RNF145: variants seen among roughly 807,000 people sequenced by gnomAD.
RNF145 encodes the protein ring finger protein 145.
In RNF145, 12 loss-of-function variants were observed where a neutral mutation model predicts 57.3. The ratio of observed to expected loss-of-function variants is 0.21; its 90% CI spans 0.13 to 0.34. The LOEUF is 0.34. Among genes scored for constraint, RNF145 ranks in the 10% least tolerant of loss-of-function variants. The pLI, the probability that RNF145 is intolerant of heterozygous loss-of-function variation, is 1.00. For missense variants in RNF145, 429 were observed against 799.0 expected (o/e 0.54, Z 5.58); for synonymous variants, 262 against 288.3 (o/e 0.91, Z 0.92).
intron 10 of RNF145, 185 bp downstream of exon 10, chr5:159,161,081 A>C: frequency 3.7e-6 from 2 of 538,778 alleles, no homozygotes; most frequent in Non-Finnish European, 6.5e-6. Flanking sequence ...ACTAAATTTA[A>C]AACTTAATTT....
At chr5:159,191,064 A>C (rs1455193482) in intron 3 of RNF145, among the ~76,000 whole-genome samples, 2 of 151,198 alleles carry the variant, frequency 1.3e-5, no homozygotes, top group Admixed American at 6.6e-5. Context: ...CATAAAACAC[A>C]CAATAGCTGA....
In RNF145 at chr5:159,157,488, A is replaced by G. The variant is rs1784078512; in HGVS notation, c.*1182T>C. The G allele has an allele frequency of 6.5e-6, 1 of 152,804 alleles. No homozygotes were observed. Among genetic ancestry groups the G allele is most frequent in the South Asian group, 2.1e-4 (1 of 4,830 alleles). 9.5% of individuals were successfully genotyped at this position (152,804 alleles called of 1,614,324 possible). On this transcript the variant is annotated 3_prime_UTR_variant, in exon 11 of 11. Coordinates refer to ENST00000424310, the MANE Select transcript of RNF145 (RefSeq NM_001199383.2). ...CCAAATTTGCTACTAAAAATAAAAT[A>G]AAGTCACATCCCACATTAGGAATAC...
intron 3 of RNF145, among the ~76,000 whole-genome samples, chr5:159,188,885 A>T (rs1221196534): frequency 6.6e-6 from 1 of 152,186 alleles, no homozygotes; most frequent in Non-Finnish European, 1.5e-5. Context: ...TCAACTTAGA[A>T]AATTAATATT....
chr5:159,186,381 A>G (rs531836798), intron 3 of RNF145, among the ~76,000 whole-genome samples: 153 of 152,384 alleles, frequency 1.0e-3, no homozygotes, highest in African/African-American at 3.4e-3. Flanking sequence ...GACCTTTATT[A>G]TAACAGTCTC....
In RNF145 at chr5:159,161,641, T is replaced by TGTAC; in HGVS notation, c.1270-23_1270-20dup. The TGTAC allele has an allele frequency of 1.0e-6, 1 of 954,926 alleles. No individual in the cohort carries two copies. Among genetic ancestry groups the TGTAC allele is most frequent in the Non-Finnish European group, 1.6e-6 (1 of 623,654 alleles). 59.2% of individuals were successfully genotyped at this position (954,926 alleles called of 1,614,324 possible). A position where few individuals can be genotyped will look rare whatever the true frequency, so the allele number is the denominator to read the frequency against. ...CCAGAACCTGAAAAAAAAAAAAAAA[T>TGTAC]GTACGTATCTTGAAATATGATCACT... is the stretch of plus-strand genomic sequence containing the variant. On this transcript the variant is annotated intron_variant, in intron 9 of 10. Coordinates refer to ENST00000424310, the MANE Select transcript of RNF145 (RefSeq NM_001199383.2).
chr5:159,207,896 T>C, intron 1 of RNF145: 1 of 1,613,208 alleles, frequency 6.2e-7, no homozygotes, highest in Non-Finnish European at 8.5e-7. Flanking sequence ...ACCTCTGCCA[T>C]CGGCCGCTCA....
chr5:159,188,252 T>C (rs1288421973), intron 3 of RNF145, among the ~76,000 whole-genome samples: 1 of 151,976 alleles, frequency 6.6e-6, no homozygotes, highest in African/African-American at 2.4e-5. Flanking sequence ...CTGGGCATGG[T>C]GGCAGGCGCC....
intron 3 of RNF145, among the ~76,000 whole-genome samples, chr5:159,188,015 T>A (rs1785143074): frequency 6.6e-6 from 1 of 152,192 alleles, no homozygotes; most frequent in South Asian, 2.1e-4. Flanking sequence ...CCAGTTCTAC[T>A]GGGCTCTTAA....
chr5:159,159,227 C>T (rs544448415), intron 10 of RNF145, among the ~76,000 whole-genome samples, 192 bp from the exon 11 acceptor site: 1 of 152,204 alleles, frequency 6.6e-6, no homozygotes, highest in South Asian at 2.1e-4. Flanking sequence ...ACAAATAATG[C>T]AAGAACTACT....
At chr5:159,182,081 T>C in intron 3 of RNF145, 30 bp from the exon 4 acceptor site, 1 of 1,287,514 alleles carries the variant, frequency 7.8e-7, no homozygotes, top group East Asian at 2.3e-5. Flanking sequence ...AGAATGTATA[T>C]ATTAGATACA....
At chr5:159,193,039 A>G (rs1785339600) in intron 3 of RNF145, among the ~76,000 whole-genome samples, 1 of 152,218 alleles carries the variant, frequency 6.6e-6, no homozygotes, top group Non-Finnish European at 1.5e-5. Flanking sequence ...TGGTGGTACT[A>G]GGATGAGAAA....
chr5:159,191,206 T>C (rs1405436542), intron 3 of RNF145, among the ~76,000 whole-genome samples: 1 of 152,160 alleles, frequency 6.6e-6, no homozygotes, highest in Admixed American at 6.5e-5. Context: ...AGTCTACAAT[T>C]TCAAAGAAGT....
chr5:159,172,217 G>A (rs757039539), intron 6 of RNF145, among the ~76,000 whole-genome samples: 56 of 152,242 alleles, frequency 3.7e-4, no homozygotes, highest in Non-Finnish European at 4.7e-4. Context: ...CAGGCCGGGC[G>A]TGGTGGTTCA....
intron 1 of RNF145, chr5:159,208,222 A>T (rs1584718871): frequency 8.1e-7 from 1 of 1,241,174 alleles, no homozygotes; most frequent in Non-Finnish European, 1.0e-6. Flanking sequence ...AGCAGCAGCA[A>T]CCGGGCCGCC....
Position 159,188,399 on chromosome 5 carries a change from A to C in RNF145, c.293+6317T>G, listed in dbSNP as rs567149985. Among the ~76,000 whole-genome samples, 409 of 152,210 alleles carry C rather than the reference A, an allele frequency of 2.7e-3. 3 individuals are homozygous for C. Among genetic ancestry groups the C allele is most frequent in the Middle Eastern group, 0.01 (3 of 294 alleles). On this transcript the variant is annotated intron_variant, in intron 3 of 10. Coordinates refer to ENST00000424310, the MANE Select transcript of RNF145 (RefSeq NM_001199383.2). ...ACAGAGCAAGACTCTGTCTCAAAAAAAAAAAAAAGAAATACTGGAGTTTAG... is the reference window on the plus strand; with the variant it reads ...ACAGAGCAAGACTCTGTCTCAAAAACAAAAAAAAGAAATACTGGAGTTTAG...
At chr5:159,195,182 C>A (rs957232973) in intron 2 of RNF145, among the ~76,000 whole-genome samples, 1 of 152,106 alleles carries the variant, frequency 6.6e-6, no homozygotes, top group African/African-American at 2.4e-5. Context: ...GTCTTAATGT[C>A]TCTTTCCAAG....
intron 2 of RNF145, among the ~76,000 whole-genome samples, chr5:159,201,079 C>T (rs997150687): frequency 6.6e-6 from 1 of 152,056 alleles, no homozygotes; most frequent in Non-Finnish European, 1.5e-5. Context: ...ATAAGTTAAC[C>T]CTTGAACAAC....
chr5:159,165,804 G>C (rs1413796030), intron 8 of RNF145, among the ~76,000 whole-genome samples: 1 of 150,330 alleles, frequency 6.7e-6, no homozygotes, highest in African/African-American at 2.4e-5. Context: ...CATTCATACT[G>C]ATTTGTGGGT....
intron 2 of RNF145, among the ~76,000 whole-genome samples, chr5:159,195,346 C>G (rs993158736): frequency 2.0e-5 from 3 of 152,072 alleles, no homozygotes; most frequent in Admixed American, 6.5e-5. Flanking sequence ...AAAAAATAAA[C>G]TTCTTTTCAC....
Sources: allele counts gnomAD v4.1 joint callset (sites outside exome capture counted in the v4.1 genomes callset), GRCh38; gene constraint gnomAD v4.1.1; transcripts MANE v1.5; gene names NCBI Gene and HGNC (gene_info 2026-07-23, HGNC 2026-07-21).